GLIS3: variants seen among roughly 807,000 people sequenced by gnomAD.
GLIS3 encodes the protein zinc finger protein GLIS3.
GLIS3 carries 53 observed loss-of-function variants against 78.6 expected under a neutral mutation model. The ratio of observed to expected loss-of-function variants is 0.67; its 90% CI spans 0.54 to 0.85. GLIS3 has a LOEUF of 0.85. Among genes scored for constraint, GLIS3 ranks in the 40% least tolerant of loss-of-function variants. The pLI is 0.00. For missense variants in GLIS3, 1,703 were observed against 1,231.1 expected (o/e 1.38, Z -5.74); for synonymous variants, 684 against 509.9 (o/e 1.34, Z -4.60).
At chr9:4,193,184 T>G (rs1004717329) in intron 2 of GLIS3, among the ~76,000 whole-genome samples, 1 of 152,258 alleles carries the variant, frequency 6.6e-6, no homozygotes, top group Non-Finnish European at 1.5e-5. Flanking sequence ...GCGAGACTTT[T>G]GTATGGCCCT....
intron 2 of GLIS3, among the ~76,000 whole-genome samples, chr9:4,174,173 CT>C (rs1325839525): frequency 6.6e-6 from 1 of 152,058 alleles, no homozygotes; most frequent in African/African-American, 2.4e-5. Context: ...ATAAAGGTAA[CT>C]ATAAGAATGC....
At chr9:4,192,606 C>G (rs1489388733) in intron 2 of GLIS3, among the ~76,000 whole-genome samples, 2 of 152,154 alleles carry the variant, frequency 1.3e-5, no homozygotes, top group Non-Finnish European at 2.9e-5. Flanking sequence ...TTCCATTCCA[C>G]TTATTCATTT....
At chr9:4,263,120 G>C (rs1053084733) in intron 2 of GLIS3, among the ~76,000 whole-genome samples, 1 of 152,130 alleles carries the variant, frequency 6.6e-6, no homozygotes, top group African/African-American at 2.4e-5. Context: ...AAATGGCCAT[G>C]GGCTTGACCT....
chr9:4,208,610 G>A (rs1161361354), intron 2 of GLIS3, among the ~76,000 whole-genome samples: 1 of 152,210 alleles, frequency 6.6e-6, no homozygotes, highest in Non-Finnish European at 1.5e-5. Flanking sequence ...CATGTCCTGT[G>A]CTCTCTGTAA....
At chr9:4,066,266 G>A (rs1827089583) in intron 4 of GLIS3, among the ~76,000 whole-genome samples, 1 of 152,258 alleles carries the variant, frequency 6.6e-6, no homozygotes, top group African/African-American at 2.4e-5. Flanking sequence ...TCATTGCTGT[G>A]GGGCAGATGG....
At chr9:4,065,998 C>G (rs1307316312) in intron 4 of GLIS3, among the ~76,000 whole-genome samples, 1 of 148,734 alleles carries the variant, frequency 6.7e-6, no homozygotes, top group Non-Finnish European at 1.5e-5. Context: ...ATATATCGCT[C>G]TGCCTCCTTC....
At chr9:4,418,537 A>G in the GLIS3 span, among the ~76,000 whole-genome samples, 6 of 152,146 alleles carry the variant, frequency 3.9e-5, no homozygotes, top group Non-Finnish European at 8.8e-5. Context: ...CGTGTCTACT[A>G]AAAATACAAA....
At chr9:4,025,678 G>A (rs939283107) in intron 4 of GLIS3, among the ~76,000 whole-genome samples, 1 of 152,136 alleles carries the variant, frequency 6.6e-6, no homozygotes, top group African/African-American at 2.4e-5. Flanking sequence ...GAGCCACTGT[G>A]CCTGGCCTGG....
At chr9:4,163,154 C>T (rs1037432254) in intron 2 of GLIS3, among the ~76,000 whole-genome samples, 7 of 152,320 alleles carry the variant, frequency 4.6e-5, no homozygotes, top group Admixed American at 3.9e-4. Context: ...TAAAGTCATA[C>T]AGGAGAGTTA....
rs1817924571 is a variant in GLIS3 at position 3,829,507 on chromosome 9, T to A, written c.2474-15A>T. On this transcript the variant is annotated splice_polypyrimidine_tract_variant and intron_variant, in intron 9 of 10. Transcript: ENST00000381971. Reference sequence around the variant, plus strand: ...CCCATAAAATCCTGAAACGCAAGCATGGCATTGAGCACAAGTTCCTTTGGG... The same window carrying A: ...CCCATAAAATCCTGAAACGCAAGCAAGGCATTGAGCACAAGTTCCTTTGGG... 1 of 1,613,770 alleles carries A rather than the reference T, an allele frequency of 6.2e-7. No individual in the cohort carries two copies.
intron 4 of GLIS3, among the ~76,000 whole-genome samples, chr9:4,026,337 A>G (rs967090494): frequency 6.6e-6 from 1 of 152,228 alleles, no homozygotes; most frequent in African/African-American, 2.4e-5. Context: ...AACACAAATT[A>G]TTTTTATCAT....
At chr9:4,272,904 G>T (rs1244120803) in intron 2 of GLIS3, among the ~76,000 whole-genome samples, 1 of 152,166 alleles carries the variant, frequency 6.6e-6, no homozygotes, top group Non-Finnish European at 1.5e-5. Flanking sequence ...TCTTGACAGT[G>T]TCCTAGTTTG....
chr9:4,367,741 G>C, the GLIS3 span, among the ~76,000 whole-genome samples: 1 of 149,212 alleles, frequency 6.7e-6, no homozygotes, highest in Non-Finnish European at 1.5e-5. Flanking sequence ...CATATTTATT[G>C]AGAGAATACA....
intron 1 of GLIS3, among the ~76,000 whole-genome samples, chr9:4,347,697 GC>G (rs1408191431): frequency 1.4e-4 from 22 of 151,762 alleles, no homozygotes; most frequent in Non-Finnish European, 2.9e-5. Context: ...TCACATGGTA[GC>G]TTTTTGTTTG....
At chr9:4,165,412 G>C (rs569620289) in intron 2 of GLIS3, among the ~76,000 whole-genome samples, 1 of 152,328 alleles carries the variant, frequency 6.6e-6, no homozygotes. Flanking sequence ...TTGCACTCCA[G>C]CCTAGGCAAC....
chr9:4,252,250 T>C (rs967718986), intron 2 of GLIS3, among the ~76,000 whole-genome samples: 3 of 152,312 alleles, frequency 2.0e-5, no homozygotes, highest in East Asian at 1.9e-4. Flanking sequence ...ACCAATCAAA[T>C]GTAGGTTTGG....
the GLIS3 span, among the ~76,000 whole-genome samples, chr9:4,383,691 C>G: frequency 2.0e-5 from 3 of 152,140 alleles, no homozygotes; most frequent in African/African-American, 7.2e-5. Flanking sequence ...CCAAAAGTCC[C>G]CTATAACCTT....
chr9:4,146,903 T>C (rs6476808), intron 2 of GLIS3, among the ~76,000 whole-genome samples: 48,194 of 152,106 alleles, frequency 0.32, 7,776 homozygotes, highest in Admixed American at 0.37. Context: ...CTGAAGAGTA[T>C]TACGTTCGAC....
the GLIS3 span, among the ~76,000 whole-genome samples, chr9:4,401,017 GT>G: frequency 1.3e-5 from 2 of 152,166 alleles, no homozygotes; most frequent in Non-Finnish European, 2.9e-5. Context: ...ACATTCTTCT[GT>G]TTGAGAAAAG....
Sources: allele counts gnomAD v4.1 joint callset (sites outside exome capture counted in the v4.1 genomes callset), GRCh38; gene constraint gnomAD v4.1.1; transcripts MANE v1.5; gene names NCBI Gene and HGNC (gene_info 2026-07-23, HGNC 2026-07-21).